Variants in LNPK observed in about 807,000 individuals in gnomAD.
LNPK encodes the protein endoplasmic reticulum junction formation protein lunapark.
LNPK carries 29 observed loss-of-function variants against 55.2 expected under a neutral mutation model. The ratio of observed to expected loss-of-function variants is 0.53; its 90% CI spans 0.39 to 0.72. The LOEUF is 0.72. LNPK is among the 30% of genes least tolerant of loss of function. The pLI is 0.00. For missense variants in LNPK, 467 were observed against 494.8 expected (o/e 0.94, Z 0.53); for synonymous variants, 162 against 168.2 (o/e 0.96, Z 0.29).
At position 175,974,877 on chromosome 2, in the gene LNPK, A is replaced by G. The variant is rs187727157; in HGVS notation, c.317-4073T>C. ...TAAAAACAAAAAGAACCTCTGAAAT[A>G]TATTTTAAAGCAAAAAAAAAATCCC... On this transcript the variant is annotated intron_variant, in intron 5 of 12. Coordinates refer to ENST00000272748, the MANE Select transcript of LNPK (RefSeq NM_030650.3). Among the ~76,000 whole-genome samples, 114 of 152,116 alleles carry G rather than the reference A, an allele frequency of 7.5e-4. No individual in the cohort carries two copies. Among genetic ancestry groups the G allele is most frequent in the Middle Eastern group, 3.4e-3 (1 of 294 alleles).
chr2:175,940,754 CTA>C (rs1246355900), intron 9 of LNPK, among the ~76,000 whole-genome samples: 6 of 152,088 alleles, frequency 3.9e-5, no homozygotes, highest in African/African-American at 1.4e-4. Flanking sequence ...ATGACTATGA[CTA>C]TATTTCATAT....
intron 9 of LNPK, among the ~76,000 whole-genome samples, chr2:175,946,865 T>C (rs928332596): frequency 6.6e-6 from 1 of 152,032 alleles, no homozygotes; most frequent in African/African-American, 2.4e-5. Flanking sequence ...AACTGGAGGG[T>C]ACTATAGTCT....
At chr2:175,965,498 A>G (rs561567455) in intron 6 of LNPK, among the ~76,000 whole-genome samples, 8 of 152,310 alleles carry the variant, frequency 5.3e-5, no homozygotes, top group Admixed American at 1.3e-4. Flanking sequence ...CTCAGTGACC[A>G]CTGATAACCA....
intron 12 of LNPK, among the ~76,000 whole-genome samples, chr2:175,935,227 A>C (rs1241173542): frequency 6.6e-5 from 10 of 152,328 alleles, no homozygotes; most frequent in African/African-American, 2.4e-4. Context: ...GCTGCTAAGA[A>C]GGAGCCACTG....
At chr2:175,996,512 A>G (rs1687939656) in intron 1 of LNPK, among the ~76,000 whole-genome samples, 1 of 152,226 alleles carries the variant, frequency 6.6e-6, no homozygotes, top group African/African-American at 2.4e-5. Context: ...TCTCTTAATT[A>G]GTTAATAATA....
chr2:175,931,518 T>C (rs1175703305), intron 12 of LNPK, among the ~76,000 whole-genome samples: 1 of 152,220 alleles, frequency 6.6e-6, no homozygotes, highest in African/African-American at 2.4e-5. Context: ...CTGGCTTATA[T>C]AATTAGTTAT....
At chr2:175,973,268 G>A (rs1362776399) in intron 5 of LNPK, among the ~76,000 whole-genome samples, 2 of 152,134 alleles carry the variant, frequency 1.3e-5, no homozygotes, top group East Asian at 3.8e-4. Flanking sequence ...TCTAGGTTTT[G>A]AGCTCAAAAT....
intron 4 of LNPK, among the ~76,000 whole-genome samples, chr2:175,980,159 G>A (rs973009332): frequency 6.6e-6 from 1 of 152,142 alleles, no homozygotes; most frequent in Non-Finnish European, 1.5e-5. Context: ...TCATCAGCCT[G>A]AAAGGAATCT....
At chr2:175,972,398 T>C (rs1401154543) in intron 5 of LNPK, among the ~76,000 whole-genome samples, 15 of 152,084 alleles carry the variant, frequency 9.9e-5, no homozygotes, top group Admixed American at 8.5e-4. Flanking sequence ...AAATCCAAAA[T>C]CCAAAATGCT....
chr2:175,959,358 C>T (rs947334022), intron 8 of LNPK, among the ~76,000 whole-genome samples: 1 of 152,196 alleles, frequency 6.6e-6, no homozygotes, highest in Non-Finnish European at 1.5e-5. Flanking sequence ...AACAGACTAA[C>T]AGCAGATCTC....
intron 12 of LNPK, among the ~76,000 whole-genome samples, chr2:175,936,846 C>T (rs1343830628): frequency 6.6e-6 from 1 of 152,060 alleles, no homozygotes; most frequent in Non-Finnish European, 1.5e-5. Flanking sequence ...TAATGAAATA[C>T]CAGTCCTATT....
chr2:175,979,691 C>T, intron 5 of LNPK, 119 bp downstream of exon 5: 1 of 784,760 alleles, frequency 1.3e-6, no homozygotes, highest in Non-Finnish European at 1.9e-6. Context: ...TTATAATAAA[C>T]AACTCTTCAA....
rs1314228228 is a variant in LNPK at position 175,937,535 on chromosome 2, A to T, written c.884-21T>A. 3 of 1,595,310 alleles carry T rather than the reference A, an allele frequency of 1.9e-6. No individual in the cohort carries two copies. In the African/African-American group the frequency reaches 4.1e-5, roughly 22 times the overall value. On this transcript the variant is annotated intron_variant, in intron 11 of 12. Transcript: ENST00000272748. ...AAAAGCTGCAGAGAATTTTTTAAAAATAAGCAAAACCACAAACCAAGCAAA... is the reference window on the plus strand; with the variant it reads ...AAAAGCTGCAGAGAATTTTTTAAAATTAAGCAAAACCACAAACCAAGCAAA...
chr2:175,963,170 A>G (rs1481730607), intron 8 of LNPK, among the ~76,000 whole-genome samples: 1,950 of 149,378 alleles, frequency 0.013, 23 homozygotes, highest in African/African-American at 0.046. Flanking sequence ...ATCTAGAACT[A>G]GAAATACCAT....
chr2:175,966,312 C>T (rs573480504), intron 6 of LNPK, among the ~76,000 whole-genome samples: 2 of 152,312 alleles, frequency 1.3e-5, no homozygotes, highest in Admixed American at 1.3e-4. Context: ...GATCCACATA[C>T]CTCAGCCTCC....
At chr2:175,989,370 A>T (rs988191056) in intron 4 of LNPK, among the ~76,000 whole-genome samples, 1 of 152,202 alleles carries the variant, frequency 6.6e-6, no homozygotes, top group Non-Finnish European at 1.5e-5. Context: ...AAATAAAAAA[A>T]TTATGGCTAA....
intron 8 of LNPK, among the ~76,000 whole-genome samples, chr2:175,951,607 A>ATATATATATATATATCTATC (rs972901665): frequency 8.2e-6 from 1 of 121,752 alleles, no homozygotes; most frequent in Non-Finnish European, 1.9e-5. Context: ...ATATATATAT[A>ATATATATATATATATCTATC]TATCTCAGTT....
intron 10 of LNPK, 67 bp downstream of exon 10, chr2:175,939,485 T>C (rs112278650): frequency 2.6e-6 from 2 of 775,648 alleles, no homozygotes; most frequent in South Asian, 2.1e-5. Flanking sequence ...CTAAAACATC[T>C]AGTGTGTACA....
At chr2:175,994,287 T>C (rs1178410364) in intron 2 of LNPK, 2 of 981,286 alleles carry the variant, frequency 2.0e-6, no homozygotes, top group African/African-American at 1.7e-5. Context: ...CAACCTATTA[T>C]GAAAGACAAA....
Sources: gnomAD v4.1 joint callset for allele counts (sites outside exome capture counted in the v4.1 genomes callset) on GRCh38, gnomAD v4.1.1 for gene constraint, MANE v1.5 for transcripts, NCBI Gene and HGNC (gene_info 2026-07-23, HGNC 2026-07-21) for gene names.